Variants in TMEM132D observed in about 807,000 individuals in gnomAD.
TMEM132D encodes the protein mature OL transmembrane protein.
A neutral mutation model predicts 62.3 loss-of-function variants in TMEM132D; 21 were observed. The ratio of observed to expected loss-of-function variants is 0.34; its 90% CI spans 0.24 to 0.49. TMEM132D has a LOEUF of 0.49. TMEM132D is among the 20% of genes least tolerant of loss of function. The pLI is 0.99. For synonymous variants in TMEM132D, 621 were observed against 575.6 expected, an observed-to-expected ratio of 1.08 and a Z score of -1.13; for missense variants, 1,346 against 1,402.8, an observed-to-expected ratio of 0.96 and a Z score of 0.65.
chr12:129,242,564 A>G (rs1879965099), intron 4 of TMEM132D, among the ~76,000 whole-genome samples: 1 of 152,026 alleles, frequency 6.6e-6, no homozygotes, highest in South Asian at 2.1e-4. Context: ...GTAGAATTTA[A>G]TTCATTTTCA....
intron 1 of TMEM132D, among the ~76,000 whole-genome samples, chr12:129,776,653 A>G (rs934824772): frequency 1.3e-5 from 2 of 150,994 alleles, no homozygotes; most frequent in African/African-American, 4.9e-5. Flanking sequence ...GGTGATAAAC[A>G]TATTTAAATT....
intron 4 of TMEM132D, among the ~76,000 whole-genome samples, chr12:129,229,446 T>C (rs866480709): frequency 2.0e-5 from 3 of 152,206 alleles, no homozygotes; most frequent in Non-Finnish European, 4.4e-5. Context: ...GATAGAGTCC[T>C]CTTGATAGCA....
intron 3 of TMEM132D, among the ~76,000 whole-genome samples, chr12:129,508,616 C>T (rs985113112): frequency 6.6e-6 from 1 of 151,998 alleles, no homozygotes; most frequent in African/African-American, 2.4e-5. Context: ...ACATTTCCTC[C>T]CCATAAAGAG....
rs543347403 is a variant in TMEM132D at position 129,239,409 on chromosome 12, C to T, written c.1300-29746G>A. 6.6e-5 allele frequency among the ~76,000 whole-genome samples: 10 copies of T among 152,292 alleles called. No individual in the cohort carries two copies. In the East Asian group the frequency reaches 1.5e-3, roughly 23 times the overall value. ...TAGATGGTGTAAGGTAAGGGCCCAA[C>T]TTCATTCTTTTGTGTGTAGACATAC... On this transcript the variant is annotated intron_variant, in intron 4 of 8. Coordinates refer to ENST00000422113, the MANE Select transcript of TMEM132D (RefSeq NM_133448.3).
intron 4 of TMEM132D, among the ~76,000 whole-genome samples, chr12:129,268,488 C>T (rs570220464): frequency 1.4e-4 from 21 of 152,276 alleles, no homozygotes; most frequent in South Asian, 8.3e-4. Context: ...CAATGAGATA[C>T]CATCTCACAC....
At chr12:129,442,130 T>C (rs551374200) in intron 3 of TMEM132D, among the ~76,000 whole-genome samples, 1 of 152,282 alleles carries the variant, frequency 6.6e-6, no homozygotes, top group East Asian at 1.9e-4. Context: ...CCCCGGAATC[T>C]AAAACAAAAG....
At chr12:129,593,775 G>C (rs76184352) in intron 2 of TMEM132D, among the ~76,000 whole-genome samples, 1,723 of 152,252 alleles carry the variant, frequency 0.011, 42 homozygotes, top group African/African-American at 0.04. Flanking sequence ...AAAGCACTGG[G>C]AGGTGCAGAG....
chr12:129,426,628 C>T (rs931521483), intron 3 of TMEM132D, among the ~76,000 whole-genome samples: 1 of 152,136 alleles, frequency 6.6e-6, no homozygotes, highest in African/African-American at 2.4e-5. Context: ...TTGGAGCAAG[C>T]GCTTATTGAG....
At chr12:129,589,383 T>A (rs1379337740) in intron 2 of TMEM132D, among the ~76,000 whole-genome samples, 1 of 152,146 alleles carries the variant, frequency 6.6e-6, no homozygotes, top group African/African-American at 2.4e-5. Flanking sequence ...AAACCTCTTT[T>A]TCTTTACAAA....
intron 1 of TMEM132D, among the ~76,000 whole-genome samples, chr12:129,783,354 G>A (rs1346016618): frequency 1.3e-5 from 2 of 152,166 alleles, no homozygotes; most frequent in Non-Finnish European, 2.9e-5. Context: ...TCAGAGACAC[G>A]AATGGTCAAT....
intron 3 of TMEM132D, among the ~76,000 whole-genome samples, chr12:129,388,807 A>G (rs559013035): frequency 3.5e-3 from 258 of 73,440 alleles, no homozygotes; most frequent in Middle Eastern, 9.8e-3. Context: ...ACACCAACAC[A>G]AATCCTAATA....
At chr12:129,356,971 G>T (rs1270291652) in intron 3 of TMEM132D, among the ~76,000 whole-genome samples, 2 of 151,378 alleles carry the variant, frequency 1.3e-5, no homozygotes, top group Non-Finnish European at 2.9e-5. Flanking sequence ...GCAAGGCCGG[G>T]CCTGATGGCT....
At position 129,074,748 on chromosome 12, in the gene TMEM132D, G is replaced by A. The variant is rs2135604506; in HGVS notation, c.2427C>T (p.Ser809=). The A allele has an allele frequency of 1.2e-6, 2 of 1,614,152 alleles. No individual in the cohort carries two copies. The highest frequency in any genetic ancestry group is 1.7e-6 in the Non-Finnish European group (2 of 1,180,030). Residue 809 remains serine (S), a synonymous_variant, in exon 9 of 9, where the codon AGC becomes AGT. Transcript: ENST00000422113. ...TGTGAACCCCTGCCCCTGTGTGTCT[G>A]CTGTCACTGGTGTTGGGGTTAGCAT... ...QNDANPNTSD[S]RHTGAGVHME... is the part of the protein sequence containing the mutation.
At chr12:129,150,265 C>T (rs1268439898) in intron 5 of TMEM132D, among the ~76,000 whole-genome samples, 1 of 152,184 alleles carries the variant, frequency 6.6e-6, no homozygotes, top group Non-Finnish European at 1.5e-5. Flanking sequence ...GGAGAAGTCA[C>T]TCCAGCTTCC....
chr12:129,903,882 G>A lies in TMEM132D; in HGVS notation c.-543C>T, dbSNP rs1593205886. Reference sequence around the variant, plus strand: ...TGGCCCGCAGCCCCCATCCCAGGCCGGCCGCTGCGCCTCGGGGCTCGGGCG... The same window carrying A: ...TGGCCCGCAGCCCCCATCCCAGGCCAGCCGCTGCGCCTCGGGGCTCGGGCG... On this transcript the variant is annotated 5_prime_UTR_variant, in exon 1 of 9. Coordinates refer to ENST00000422113, the MANE Select transcript of TMEM132D (RefSeq NM_133448.3). The surrounding 1 kb of genome is among the most constrained non-coding windows in gnomAD (Gnocchi z 6.2). Among the ~76,000 whole-genome samples, 1 of 146,886 alleles carries A rather than the reference G, an allele frequency of 6.8e-6. No individual in the cohort carries two copies. Among genetic ancestry groups the A allele is most frequent in the Non-Finnish European group, 1.5e-5 (1 of 66,014 alleles).
chr12:129,644,814 T>C (rs1296230848), intron 2 of TMEM132D, among the ~76,000 whole-genome samples: 1 of 117,022 alleles, frequency 8.5e-6, no homozygotes, highest in Admixed American at 9.1e-5. Context: ...CCATCTCTAC[T>C]AAAAATACAA....
At chr12:129,196,732 T>C (rs1878561453) in intron 5 of TMEM132D, among the ~76,000 whole-genome samples, 1 of 152,200 alleles carries the variant, frequency 6.6e-6, no homozygotes, top group Non-Finnish European at 1.5e-5. Flanking sequence ...GGAGGTATAA[T>C]CTCTGCTTGT....
chr12:129,091,758 A>G (rs7975215), intron 5 of TMEM132D, among the ~76,000 whole-genome samples: 108,367 of 152,098 alleles, frequency 0.71, 39,340 homozygotes, highest in African/African-American at 0.86. Flanking sequence ...AAGAAGACAC[A>G]AGCCTAGTCC....
At chr12:129,342,585 T>A (rs1593344341) in intron 3 of TMEM132D, among the ~76,000 whole-genome samples, 1 of 152,112 alleles carries the variant, frequency 6.6e-6, no homozygotes, top group African/African-American at 2.4e-5. Context: ...GGGATCTAAT[T>A]AAACTCAAGA....
Sources: gnomAD v4.1 joint callset for allele counts (sites outside exome capture counted in the v4.1 genomes callset) on GRCh38, gnomAD v4.1.1 for gene constraint, Gnocchi (gnomAD v3.1) non-coding constraint, MANE v1.5 for transcripts, NCBI Gene and HGNC (gene_info 2026-07-23, HGNC 2026-07-21) for gene names.